The following NPAS3 variants were observed in gnomAD, a reference collection of about 807,000 sequenced individuals.
The protein encoded by NPAS3 is neuronal PAS domain-containing protein 3.
A neutral mutation model predicts 73.1 loss-of-function variants in NPAS3; 14 were observed. The observed-to-expected ratio is 0.19, with a 90% confidence interval of 0.13 to 0.30. The LOEUF is 0.30. Ranked by LOEUF, NPAS3 falls within the 10% of genes least tolerant of loss-of-function variation. NPAS3 has a pLI of 1.00. For synonymous variants in NPAS3, 620 were observed against 541.5 expected, an observed-to-expected ratio of 1.14 and a Z score of -2.01; for missense variants, 1,096 against 1,250.0, an observed-to-expected ratio of 0.88 and a Z score of 1.86.
At chr14:33,113,024 G>A (rs970080848) in intron 2 of NPAS3, among the ~76,000 whole-genome samples, 7 of 152,068 alleles carry the variant, frequency 4.6e-5, no homozygotes, top group Admixed American at 6.6e-5. Flanking sequence ...CCATTGGTCT[G>A]TATCTCTGTT....
intron 2 of NPAS3, among the ~76,000 whole-genome samples, chr14:33,194,059 G>A (rs1456880896): frequency 2.0e-5 from 3 of 152,148 alleles, no homozygotes; most frequent in African/African-American, 7.2e-5. Context: ...GAAACCAAAG[G>A]CAATCATTTC....
intron 3 of NPAS3, among the ~76,000 whole-genome samples, chr14:33,289,159 G>A (rs769496939): frequency 5.9e-5 from 9 of 152,112 alleles, no homozygotes; most frequent in Non-Finnish European, 1.0e-4. Flanking sequence ...CAAGAGGCAC[G>A]CATTTTTATC....
intron 4 of NPAS3, among the ~76,000 whole-genome samples, chr14:33,394,601 GT>G (rs1389530874): frequency 2.0e-5 from 3 of 152,018 alleles, no homozygotes; most frequent in African/African-American, 7.2e-5. Context: ...TACTAATTTT[GT>G]TGTTCAATGA....
At chr14:32,983,519 C>T (rs921036110) in intron 1 of NPAS3, among the ~76,000 whole-genome samples, 1 of 151,944 alleles carries the variant, frequency 6.6e-6, no homozygotes, top group African/African-American at 2.4e-5. Context: ...ATATTAAGTG[C>T]AAAATTTCCC....
intron 3 of NPAS3, among the ~76,000 whole-genome samples, chr14:33,299,539 T>C (rs2042440965): frequency 6.6e-6 from 1 of 152,158 alleles, no homozygotes; most frequent in South Asian, 2.1e-4. Flanking sequence ...ATCCAGATCT[T>C]GCAGACAGAA....
chr14:32,965,553 G>C (rs949360253), intron 1 of NPAS3, among the ~76,000 whole-genome samples: 2 of 152,134 alleles, frequency 1.3e-5, no homozygotes, highest in African/African-American at 4.8e-5. Context: ...TAAAAAGAAT[G>C]TATCTCAACA....
At chr14:33,438,480 A>G (rs968928851) in intron 4 of NPAS3, among the ~76,000 whole-genome samples, 2 of 152,232 alleles carry the variant, frequency 1.3e-5, no homozygotes, top group Non-Finnish European at 2.9e-5. Context: ...AGCATGTGAA[A>G]TGGAGGCTGA....
chr14:33,109,922 C>T (rs1357335718), intron 2 of NPAS3, among the ~76,000 whole-genome samples: 1 of 149,858 alleles, frequency 6.7e-6, no homozygotes, highest in East Asian at 2.0e-4. Flanking sequence ...CCCACCTCAG[C>T]CTCCTGAGTA....
chr14:33,072,129 G>A (rs975485047), intron 2 of NPAS3, among the ~76,000 whole-genome samples: 1 of 152,166 alleles, frequency 6.6e-6, no homozygotes, highest in Non-Finnish European at 1.5e-5. Context: ...GATCTCAGGT[G>A]ATCCGCCTGC....
intron 3 of NPAS3, among the ~76,000 whole-genome samples, chr14:33,360,447 A>G (rs1180060224): frequency 6.6e-6 from 1 of 152,112 alleles, no homozygotes; most frequent in Non-Finnish European, 1.5e-5. Context: ...CTAATTTTTT[A>G]CCTTTTATTT....
At chr14:33,392,147 C>T (rs1485112914) in intron 4 of NPAS3, among the ~76,000 whole-genome samples, 1 of 152,156 alleles carries the variant, frequency 6.6e-6, no homozygotes, top group Non-Finnish European at 1.5e-5. Flanking sequence ...GACATGTGGG[C>T]ATCATCCCTC....
At chr14:33,368,842 A>C (rs980750308) in intron 4 of NPAS3, among the ~76,000 whole-genome samples, 1 of 152,182 alleles carries the variant, frequency 6.6e-6, no homozygotes, top group Non-Finnish European at 1.5e-5. Flanking sequence ...ATGGACCGTG[A>C]CATATAAATT....
intron 3 of NPAS3, among the ~76,000 whole-genome samples, chr14:33,224,911 C>T (rs371505085): frequency 1.1e-3 from 167 of 152,190 alleles, no homozygotes; most frequent in African/African-American, 3.9e-3. Flanking sequence ...AGTGTCTTTG[C>T]ATCAGTACAC....
In NPAS3 at chr14:33,029,214, A is replaced by G. The variant is rs188818992; in HGVS notation, c.51-26691A>G. 1.4e-3 allele frequency among the ~76,000 whole-genome samples: 211 copies of G among 152,344 alleles called. 2 individuals are homozygous for G. Among genetic ancestry groups the G allele is most frequent in the Middle Eastern group, 6.8e-3 (2 of 294 alleles). ...GCACCACTGGAAAGACTGGCATGCC[A>G]GGTGAAGTGACGGACGCTTTCTCCT... On this transcript the variant is annotated intron_variant, in intron 1 of 11. Coordinates refer to ENST00000356141, the Ensembl canonical transcript of NPAS3.
At chr14:33,737,410 AG>A (rs2061549126) in intron 7 of NPAS3, among the ~76,000 whole-genome samples, 1 of 152,174 alleles carries the variant, frequency 6.6e-6, no homozygotes, top group African/African-American at 2.4e-5. Flanking sequence ...TTGAACATCC[AG>A]GATTGGAAAA....
At chr14:33,010,447 G>T (rs529014196) in intron 1 of NPAS3, among the ~76,000 whole-genome samples, 2 of 152,266 alleles carry the variant, frequency 1.3e-5, no homozygotes, top group South Asian at 4.1e-4. Flanking sequence ...ATGTAAGAAG[G>T]TACATACTTA....
intron 3 of NPAS3, among the ~76,000 whole-genome samples, chr14:33,295,479 A>G (rs1425890673): frequency 6.6e-6 from 1 of 152,158 alleles, no homozygotes; most frequent in Non-Finnish European, 1.5e-5. Context: ...GATTCCAAAA[A>G]TGAGGCAAAT....
chr14:33,799,914 A>C, exon 12 of NPAS3: 1 of 1,614,156 alleles, frequency 6.2e-7, no homozygotes, highest in Non-Finnish European at 8.5e-7. Context: ...GAGCACTCGG[A>C]CTTTGAGAAC....
chr14:33,448,243 T>C (rs1052531244), intron 4 of NPAS3, among the ~76,000 whole-genome samples: 7 of 152,174 alleles, frequency 4.6e-5, no homozygotes, highest in African/African-American at 1.7e-4. Context: ...GTAAAAGTCA[T>C]GCACTTGGAT....
Sources: allele counts gnomAD v4.1 joint callset (sites outside exome capture counted in the v4.1 genomes callset), GRCh38; gene constraint gnomAD v4.1.1; transcripts MANE v1.5; gene names NCBI Gene and HGNC (gene_info 2026-07-23, HGNC 2026-07-21).